Variants in ZBTB25 observed in about 807,000 individuals in gnomAD.
The protein encoded by ZBTB25 is zinc finger and BTB domain containing 25, also known as zinc finger and BTB domain-containing protein 25.
Under a neutral mutation model 34.2 loss-of-function variants are expected in ZBTB25, and 20 were observed. The ratio of observed to expected loss-of-function variants is 0.58; its 90% CI spans 0.41 to 0.85. ZBTB25 has a LOEUF of 0.85. Ranked by LOEUF, ZBTB25 falls within the 40% of genes least tolerant of loss-of-function variation. ZBTB25 has a pLI of 0.00. For synonymous variants in ZBTB25, 175 were observed against 186.4 expected (o/e 0.94, Z 0.50); for missense variants, 437 against 521.8 (o/e 0.84, Z 1.58).
intron 2 of ZBTB25, among the ~76,000 whole-genome samples, chr14:64,458,991 A>G (rs1487109869): frequency 6.6e-6 from 1 of 152,206 alleles, no homozygotes; most frequent in Non-Finnish European, 1.5e-5. Flanking sequence ...TCCAGAGACG[A>G]AAAAAGTGGC....
intron 2 of ZBTB25, chr14:64,469,843 C>T: frequency 1.8e-6 from 1 of 560,874 alleles, no homozygotes; most frequent in South Asian, 3.0e-5. Flanking sequence ...GTTTATAAAA[C>T]TCTACCACTG....
chr14:64,500,491 A>G (rs1442135632), intron 1 of ZBTB25, among the ~76,000 whole-genome samples: 2 of 139,836 alleles, frequency 1.4e-5, no homozygotes, highest in African/African-American at 2.5e-5. Context: ...GAGAGAGAGA[A>G]AGAAAATTCC....
At chr14:64,461,571 T>C (rs1186065729) in intron 2 of ZBTB25, 6 of 127,556 alleles carry the variant, frequency 4.7e-5, no homozygotes, top group Admixed American at 7.9e-5. Context: ...ACTTTTTTTT[T>C]CCTTTTTTTT....
In ZBTB25 at chr14:64,478,343, GA is replaced by G. The variant is rs1406235282; in HGVS notation, c.*8579del. 1 of 152,208 alleles carries G rather than the reference GA, an allele frequency of 6.6e-6. No individual in the cohort carries two copies. The allele number at this position is 152,208 out of a possible 1,614,324, so 9.4% of individuals were successfully genotyped here. ...GAAAACTCTTAACTTATTCAGAATG[GA>G]ATGGGTTGGAAAGTATGAGAGAAGA... On this transcript the variant is annotated 3_prime_UTR_variant, in exon 3 of 3. Coordinates refer to ENST00000608382, the MANE Select transcript of ZBTB25 (RefSeq NM_006977.5).
chr14:64,503,066 T>A, intron 1 of ZBTB25: 1 of 985,464 alleles, frequency 1.0e-6, no homozygotes, highest in Non-Finnish European at 1.2e-6. Context: ...CCTCCGCAAC[T>A]GGTAACAACT....
chr14:64,460,074 C>A, intron 2 of ZBTB25: 2 of 702,028 alleles, frequency 2.8e-6, no homozygotes, highest in African/African-American at 1.8e-5. Context: ...CCTTTGTGAG[C>A]TCATTTGTCA....
intron 1 of ZBTB25, among the ~76,000 whole-genome samples, chr14:64,492,855 A>T (rs753432876): frequency 6.6e-6 from 1 of 152,222 alleles, no homozygotes; most frequent in East Asian, 1.9e-4. Context: ...ACAGAAAAAA[A>T]TGACAAGATG....
chr14:64,452,128 T>C (rs1431683077), intron 2 of ZBTB25, among the ~76,000 whole-genome samples: 1 of 152,166 alleles, frequency 6.6e-6, no homozygotes, highest in Non-Finnish European at 1.5e-5. Context: ...AAACTCCGTC[T>C]CTACTAAAAA....
In ZBTB25 at chr14:64,484,107, A is replaced by T. The variant is rs1214987304; in HGVS notation, c.*2816T>A. 1.3e-5 allele frequency: 2 copies of T among 152,138 alleles called. No homozygotes were observed. Among genetic ancestry groups the T allele is most frequent in the African/African-American group, 2.4e-5 (1 of 41,406 alleles). The allele number at this position is 152,138 out of a possible 1,614,324, so 9.4% of individuals were successfully genotyped here. ...TGATATTTTCCCACTTCCTAAACAGAATGAATGTTTTAAGGAACAAGGAAA... is the reference window on the plus strand; with the variant it reads ...TGATATTTTCCCACTTCCTAAACAGTATGAATGTTTTAAGGAACAAGGAAA... On this transcript the variant is annotated 3_prime_UTR_variant, in exon 3 of 3. Transcript: ENST00000608382.
chr14:64,469,690 G>T (rs747642458), intron 2 of ZBTB25: 5 of 1,521,168 alleles, frequency 3.3e-6, no homozygotes, highest in Non-Finnish European at 4.4e-6. Flanking sequence ...TTACTCTCCA[G>T]AGTCACGGCA....
chr14:64,469,760 C>G, intron 2 of ZBTB25: 2 of 1,002,994 alleles, frequency 2.0e-6, no homozygotes, highest in Non-Finnish European at 2.9e-6. Context: ...TACTCAGTAA[C>G]AAATGAGAGA....
intron 2 of ZBTB25, among the ~76,000 whole-genome samples, chr14:64,457,317 ACTC>A (rs1446578989): frequency 2.6e-5 from 4 of 152,076 alleles, no homozygotes; most frequent in African/African-American, 9.6e-5. Context: ...CGAGTGAGCA[ACTC>A]CTCTACTCCC....
downstream of ZBTB25, among the ~76,000 whole-genome samples, chr14:64,477,598 C>T (rs1040580665): frequency 2.0e-5 from 3 of 152,216 alleles, no homozygotes; most frequent in Non-Finnish European, 2.9e-5. Context: ...CTTCCCTTGC[C>T]TTTGCAAATA....
intron 2 of ZBTB25, chr14:64,463,268 T>C (rs2078574320): frequency 2.8e-5 from 3 of 105,974 alleles, no homozygotes; most frequent in African/African-American, 5.9e-5. Context: ...ACATATGGCA[T>C]TGAGTTCTAG....
chr14:64,459,897 C>T, intron 2 of ZBTB25: 1 of 1,535,848 alleles, frequency 6.5e-7, no homozygotes, highest in Non-Finnish European at 8.7e-7. Context: ...AGGAGTTTCC[C>T]CAGAAGTCAT....
At chr14:64,464,793 T>C (rs1166827191) in intron 2 of ZBTB25, among the ~76,000 whole-genome samples, 4 of 152,200 alleles carry the variant, frequency 2.6e-5, no homozygotes, top group African/African-American at 9.6e-5. Flanking sequence ...TTTTTGGAAC[T>C]ATGTAAGGTA....
chr14:64,454,980 A>G, intron 2 of ZBTB25: 1 of 1,216,916 alleles, frequency 8.2e-7, no homozygotes, highest in South Asian at 1.2e-5. Context: ...TTCACTGCCC[A>G]GAAGAAAATT....
At chr14:64,453,360 T>C (rs2078408103) in intron 2 of ZBTB25, among the ~76,000 whole-genome samples, 1 of 151,916 alleles carries the variant, frequency 6.6e-6, no homozygotes, top group Non-Finnish European at 1.5e-5. Flanking sequence ...TCACCTGAGG[T>C]TGGGAGTTCA....
chr14:64,454,904 G>C lies in ZBTB25; in HGVS notation c.174-5266C>G, dbSNP rs759212330. On this transcript the variant is annotated intron_variant, in intron 2 of 2. Coordinates refer to the ZBTB25 transcript ENST00000555220. ...AGTGCATGCTGCAAGGGAGTAGTGG[G>C]CGCATCTGCACTTCTCGTCTGAAGT... 4 of 1,612,202 alleles carry C rather than the reference G, an allele frequency of 2.5e-6. No homozygotes were observed. The Admixed American group carries it at 6.7e-5, about 27-fold the overall frequency.
Sources: allele counts gnomAD v4.1 joint callset (sites outside exome capture counted in the v4.1 genomes callset), GRCh38; gene constraint gnomAD v4.1.1; transcripts MANE v1.5; gene names NCBI Gene and HGNC (gene_info 2026-07-23, HGNC 2026-07-21).